Variants in WBP2NL observed in about 807,000 individuals in gnomAD.
WBP2NL encodes postacrosomal sheath WW domain-binding protein.
A neutral mutation model predicts 23.3 loss-of-function variants in WBP2NL; 27 were observed. The observed-to-expected ratio is 1.16, with a 90% CI of 0.85 to 1.60. The LOEUF is 1.60. Among genes scored for constraint, WBP2NL ranks in the 40% most tolerant of loss-of-function variants. The pLI is 0.00. For missense variants in WBP2NL, 370 were observed against 389.5 expected, an observed-to-expected ratio of 0.95 and a Z score of 0.42; for synonymous variants, 151 against 145.9, an observed-to-expected ratio of 1.03 and a Z score of -0.25.
Position 42,026,969 on chromosome 22 carries a change from G to A in WBP2NL, c.718G>A (p.Ala240Thr), listed in dbSNP as rs766761871. ...TGGAGCCCCACCTCTAGGATATGGA[G>A]CCCCACCTCTTGGATATGGAACCCC... Reference protein sequence around the residue: ...GYGAPPLGYGAPPLGYGTPPL... With the variant: ...GYGAPPLGYGTPPLGYGTPPL... The change falls in exon 6 of 6, where the codon GCC (alanine) becomes ACC (threonine). Residue 240 changes from alanine (A) to threonine (T), a missense_variant. Ala to Thr is a moderately conservative substitution (Grantham distance 58). Coordinates refer to ENST00000328823, the MANE Select transcript of WBP2NL (RefSeq NM_152613.3). 1.3e-5 allele frequency: 21 copies of A among 1,612,242 alleles called. No individual in the cohort carries two copies. The highest frequency in any genetic ancestry group is 1.4e-5 in the Non-Finnish European group (17 of 1,179,354).
intron 5 of WBP2NL, among the ~76,000 whole-genome samples, chr22:42,024,868 T>C (rs1924338733): frequency 6.6e-6 from 1 of 151,498 alleles, no homozygotes; most frequent in South Asian, 2.1e-4. Flanking sequence ...AGTGGCGCCA[T>C]CTTGGCTCAC....
intron 8 of WBP2NL, among the ~76,000 whole-genome samples, chr22:42,056,812 G>A (rs532538827): frequency 1.3e-5 from 2 of 152,080 alleles, no homozygotes; most frequent in Admixed American, 1.3e-4. Context: ...ATGGAAAATG[G>A]GGTATCTAGT....
At chr22:42,017,806 G>A (rs892334902) in intron 1 of WBP2NL, among the ~76,000 whole-genome samples, 2 of 152,070 alleles carry the variant, frequency 1.3e-5, no homozygotes, top group South Asian at 4.1e-4. Context: ...GAGCCCAGGA[G>A]TTTGAGACCA....
chr22:42,031,822 AAT>A (rs1254949042), downstream of WBP2NL: 1 of 151,838 alleles, frequency 6.6e-6, no homozygotes, highest in Non-Finnish European at 1.5e-5. Context: ...CAGCCTCCTG[AAT>A]AGCTTGGATG....
chr22:42,010,280 TA>T (rs1922682629), intron 1 of WBP2NL, among the ~76,000 whole-genome samples: 2 of 152,210 alleles, frequency 1.3e-5, no homozygotes, highest in Admixed American at 1.3e-4. Flanking sequence ...CAAATTTGAA[TA>T]CCATTTATTT....
chr22:42,042,078 T>C (rs1185605108), intron 8 of WBP2NL, among the ~76,000 whole-genome samples: 1 of 152,252 alleles, frequency 6.6e-6, no homozygotes, highest in Non-Finnish European at 1.5e-5. Flanking sequence ...GACAAGTTGC[T>C]TTTTTCTTGC....
chr22:41,999,109 G>A (rs2146743054), intron 1 of WBP2NL, among the ~76,000 whole-genome samples: 1 of 132,310 alleles, frequency 7.6e-6, no homozygotes, highest in Admixed American at 7.7e-5. Context: ...GTGGGGGTGG[G>A]AATGCGCCTT....
At chr22:42,024,399 T>C (rs181459089) in intron 5 of WBP2NL, among the ~76,000 whole-genome samples, 2 of 152,322 alleles carry the variant, frequency 1.3e-5, no homozygotes, top group African/African-American at 4.8e-5. Context: ...TCTAACTTTT[T>C]GAGGAACCAC....
In WBP2NL at chr22:42,057,543, G is replaced by A. The variant is rs577172823; in HGVS notation, c.*274-747G>A. ...ACCACATAGCTTGCTGTTTCTACTAGAATTCAACTTTTTTTTTTTTCAGTT... is the reference window on the plus strand; with the variant it reads ...ACCACATAGCTTGCTGTTTCTACTAAAATTCAACTTTTTTTTTTTTCAGTT... On this transcript the variant is annotated intron_variant and NMD_transcript_variant, in intron 8 of 8. Transcript: ENST00000436265. 1.5e-3 allele frequency among the ~76,000 whole-genome samples: 197 copies of A among 130,282 alleles called. 1 individual carries two copies. In the Middle Eastern group the frequency reaches 0.026, roughly 17 times the overall value. 85.5% of individuals were successfully genotyped at this position (130,282 alleles called of 152,430 possible).
intron 8 of WBP2NL, among the ~76,000 whole-genome samples, chr22:42,043,789 C>T (rs955883530): frequency 2.0e-5 from 3 of 151,622 alleles, no homozygotes; most frequent in East Asian, 1.9e-4. Context: ...TGCAGTGGCG[C>T]GATCTAAGCT....
chr22:42,041,265 C>T (rs1417365287), intron 8 of WBP2NL, among the ~76,000 whole-genome samples: 7 of 151,916 alleles, frequency 4.6e-5, no homozygotes, highest in African/African-American at 1.5e-4. Flanking sequence ...AGGCAGATCA[C>T]GAGGTCAAGA....
intron 4 of WBP2NL, among the ~76,000 whole-genome samples, chr22:42,021,219 C>T (rs148185935): frequency 2.2e-3 from 338 of 152,028 alleles, no homozygotes; most frequent in African/African-American, 7.8e-3. Context: ...CACGCCTGGC[C>T]GGTCCTTGCG....
At chr22:42,013,427 C>A (rs1923015425) in intron 1 of WBP2NL, among the ~76,000 whole-genome samples, 1 of 151,868 alleles carries the variant, frequency 6.6e-6, no homozygotes. Flanking sequence ...AAGAAATCAG[C>A]TGCTAGTCTG....
At chr22:42,044,177 A>G (rs1000038281) in intron 8 of WBP2NL, among the ~76,000 whole-genome samples, 1 of 152,144 alleles carries the variant, frequency 6.6e-6, no homozygotes, top group Non-Finnish European at 1.5e-5. Flanking sequence ...AATGCTTTCT[A>G]TCCATCCCTG....
At chr22:42,038,209 T>C (rs545197020) in intron 8 of WBP2NL, among the ~76,000 whole-genome samples, 27 of 152,350 alleles carry the variant, frequency 1.8e-4, no homozygotes, top group African/African-American at 5.5e-4. Context: ...TGTCAAATGC[T>C]TTTTCTAGGT....
At chr22:42,013,409 AAAAG>A (rs1376866798) in intron 1 of WBP2NL, among the ~76,000 whole-genome samples, 9 of 152,036 alleles carry the variant, frequency 5.9e-5, no homozygotes, top group East Asian at 1.9e-4. Flanking sequence ...AAGAAAAAGA[AAAAG>A]AAAAAGAAAT....
chr22:42,035,902 C>G (rs943049139), downstream of WBP2NL, among the ~76,000 whole-genome samples: 1 of 152,182 alleles, frequency 6.6e-6, no homozygotes, highest in Non-Finnish European at 1.5e-5. Context: ...AAAGGGAGAT[C>G]ATGCAGTATT....
intron 8 of WBP2NL, among the ~76,000 whole-genome samples, chr22:42,055,695 G>T (rs187265094): frequency 6.6e-6 from 1 of 151,930 alleles, no homozygotes; most frequent in South Asian, 2.1e-4. Context: ...AATTGTGTCT[G>T]GTTTTGCTTT....
chr22:42,010,376 CT>C (rs1210478979), intron 1 of WBP2NL, among the ~76,000 whole-genome samples: 1 of 152,118 alleles, frequency 6.6e-6, no homozygotes, highest in Non-Finnish European at 1.5e-5. Context: ...GCATCCTTGC[CT>C]TGTTTCTAAT....
Sources: gnomAD v4.1 joint callset for allele counts (sites outside exome capture counted in the v4.1 genomes callset) on GRCh38, gnomAD v4.1.1 for gene constraint, MANE v1.5 for transcripts, NCBI Gene and HGNC (gene_info 2026-07-23, HGNC 2026-07-21) for gene names.